SLC28A1: variants seen among roughly 807,000 people sequenced by gnomAD.
SLC28A1 encodes solute carrier family 28 member 1.
A neutral mutation model predicts 74.8 loss-of-function variants in SLC28A1; 64 were observed. The observed-to-expected ratio is 0.86, with a 90% confidence interval of 0.70 to 1.05. The LOEUF is 1.05. SLC28A1 is among the 50% of genes least tolerant of loss of function. SLC28A1 has a pLI of 0.00. For synonymous variants in SLC28A1, 359 were observed against 335.0 expected, an observed-to-expected ratio of 1.07 and a Z score of -0.78; for missense variants, 828 against 822.8, an observed-to-expected ratio of 1.01 and a Z score of -0.08.
intron 8 of SLC28A1, 79 bp downstream of exon 8, chr15:84,905,731 G>C: frequency 2.7e-6 from 3 of 1,095,040 alleles, no homozygotes; most frequent in Non-Finnish European, 2.8e-6. Flanking sequence ...AGGGGGAAAA[G>C]TGGGTGGTGA....
intron 12 of SLC28A1, among the ~76,000 whole-genome samples, chr15:84,928,871 C>T (rs1970954738): frequency 6.6e-6 from 1 of 151,884 alleles, no homozygotes; most frequent in South Asian, 2.1e-4. Context: ...GATCCACCCG[C>T]CTCGGCCTCC....
At chr15:84,946,891 C>T (rs552272960), downstream of SLC28A1, among the ~76,000 whole-genome samples, 1 of 152,306 alleles carries the variant, frequency 6.6e-6, no homozygotes, top group African/African-American at 2.4e-5. Flanking sequence ...CTTTGGCTTC[C>T]AGGACCTGCG....
intron 2 of SLC28A1, 60 bp from the exon 3 acceptor site, chr15:84,887,685 T>C: frequency 6.4e-7 from 1 of 1,571,092 alleles, no homozygotes; most frequent in South Asian, 1.1e-5. Context: ...CCCGGGCCCC[T>C]AAACTGGGCC....
Position 84,933,322 on chromosome 15 carries a change from G to C in SLC28A1, c.1214+47G>C, listed in dbSNP as rs199683588. The C allele has an allele frequency of 5.5e-4, 882 of 1,602,248 alleles. 4 individuals carry two copies. In the Middle Eastern group the frequency reaches 0.015, roughly 28 times the overall value. On this transcript the variant is annotated intron_variant, in intron 13 of 18. Coordinates refer to ENST00000394573, the MANE Select transcript of SLC28A1 (RefSeq NM_004213.5). Reference sequence around the variant, plus strand: ...GCAGACAGGGTAGTGGTACAAGGTGGGGGGAGCAAAGCAGAGGGTCCCGTT... The same window carrying C: ...GCAGACAGGGTAGTGGTACAAGGTGCGGGGAGCAAAGCAGAGGGTCCCGTT...
the SLC28A1 span, among the ~76,000 whole-genome samples, chr15:84,972,841 C>T: frequency 1.4e-4 from 21 of 152,356 alleles, no homozygotes; most frequent in African/African-American, 4.3e-4. Flanking sequence ...TTACCAAACA[C>T]AAAGGTGTAT....
At chr15:84,887,197 C>G (rs143877850) in intron 2 of SLC28A1, among the ~76,000 whole-genome samples, 1 of 152,350 alleles carries the variant, frequency 6.6e-6, no homozygotes, top group East Asian at 1.9e-4. Context: ...CTGAAGATCT[C>G]ACTTAATGGT....
chr15:84,891,514 A>G (rs1965363628), intron 5 of SLC28A1, among the ~76,000 whole-genome samples: 1 of 152,216 alleles, frequency 6.6e-6, no homozygotes, highest in African/African-American at 2.4e-5. Context: ...CCCCAGGCAC[A>G]CTTGGAGAAT....
At chr15:84,923,717 A>C (rs1382778174) in intron 11 of SLC28A1, among the ~76,000 whole-genome samples, 1 of 152,174 alleles carries the variant, frequency 6.6e-6, no homozygotes, top group African/African-American at 2.4e-5. Flanking sequence ...GTGAGTAACA[A>C]AGGTGACGTG....
chr15:84,963,729 G>T, the SLC28A1 span, among the ~76,000 whole-genome samples: 10 of 152,208 alleles, frequency 6.6e-5, no homozygotes, highest in South Asian at 2.1e-4. Context: ...CAGAGCAAGT[G>T]GGTGGTTAAG....
chr15:84,938,445 C>T (rs1296859737), intron 15 of SLC28A1: 2 of 152,148 alleles, frequency 1.3e-5, no homozygotes, highest in Non-Finnish European at 1.5e-5. Context: ...TGAATTTGCA[C>T]ATCATCCTTG....
Position 84,895,010 on chromosome 15 carries a change from C to A in SLC28A1, c.348C>A (p.Thr116=), listed in dbSNP as rs115480455. The A allele has an allele frequency of 4.8e-5, 78 of 1,614,206 alleles. No homozygotes were observed. In the East Asian group the frequency reaches 1.5e-3, roughly 32 times the overall value. Residue 116 remains threonine (T), a synonymous_variant, in exon 6 of 19, where the codon ACC becomes ACA. Transcript: ENST00000394573. ...GGGCCCTGGCTCTGTTTGTCCTCAC[C>A]TGTGTGGTCCTCACCTTCCTGGGCC... ...FQRALALFVL[T]CVVLTFLGHR...
chr15:84,967,217 C>T, the SLC28A1 span, among the ~76,000 whole-genome samples: 1 of 152,166 alleles, frequency 6.6e-6, no homozygotes, highest in African/African-American at 2.4e-5. Context: ...TACGTTGCTA[C>T]TTGTGCACAT....
intron 5 of SLC28A1, among the ~76,000 whole-genome samples, chr15:84,892,150 G>C (rs778622549): frequency 1.3e-5 from 2 of 151,866 alleles, no homozygotes; most frequent in African/African-American, 2.4e-5. Context: ...AGGAGTTTGA[G>C]ACCAGCCTGG....
chr15:84,943,665 A>C, intron 16 of SLC28A1, 139 bp downstream of exon 16: 1 of 719,486 alleles, frequency 1.4e-6, no homozygotes, highest in Non-Finnish European at 2.5e-6. Context: ...GTGGTGGCTC[A>C]TGCCTGTAAT....
chr15:84,910,181 C>T (rs1056911438), intron 9 of SLC28A1, among the ~76,000 whole-genome samples: 1 of 152,212 alleles, frequency 6.6e-6, no homozygotes, highest in Non-Finnish European at 1.5e-5. Context: ...TTCTTGCCCC[C>T]TGGGCAAATT....
At chr15:84,965,997 C>T in the SLC28A1 span, among the ~76,000 whole-genome samples, 4 of 152,078 alleles carry the variant, frequency 2.6e-5, no homozygotes, top group Non-Finnish European at 5.9e-5. Flanking sequence ...GAGCCTAGAT[C>T]TCTGATTAAT....
At chr15:84,920,385 G>T (rs1439448357) in intron 10 of SLC28A1, among the ~76,000 whole-genome samples, 4 of 151,884 alleles carry the variant, frequency 2.6e-5, no homozygotes, top group Non-Finnish European at 5.9e-5. Flanking sequence ...GGCAGAGGTT[G>T]CAGTGAGCCA....
At chr15:84,935,233 T>C in intron 14 of SLC28A1, 39 bp downstream of exon 14, 3 of 1,612,960 alleles carry the variant, frequency 1.9e-6, no homozygotes, top group Non-Finnish European at 1.7e-6. Context: ...GTAGAGAGGA[T>C]GGCCCCAGGT....
At chr15:84,960,705 C>T in the SLC28A1 span, among the ~76,000 whole-genome samples, 2 of 152,220 alleles carry the variant, frequency 1.3e-5, no homozygotes, top group East Asian at 1.9e-4. Context: ...GCCCCACCTT[C>T]GCCCTCGCTT....
Sources: allele counts gnomAD v4.1 joint callset (sites outside exome capture counted in the v4.1 genomes callset), GRCh38; gene constraint gnomAD v4.1.1; transcripts MANE v1.5; gene names NCBI Gene and HGNC (gene_info 2026-07-23, HGNC 2026-07-21).